PPP1R1C: variants seen among roughly 807,000 people sequenced by gnomAD.
PPP1R1C encodes protein phosphatase 1 regulatory inhibitor subunit 1C.
PPP1R1C carries 15 observed loss-of-function variants against 17.4 expected under a neutral mutation model. The observed-to-expected ratio is 0.86, with a 90% CI of 0.58 to 1.33. PPP1R1C has a LOEUF of 1.33. PPP1R1C is among the 40% of genes most tolerant of loss of function. PPP1R1C has a pLI of 0.00. For synonymous variants in PPP1R1C, 35 were observed against 43.1 expected, an observed-to-expected ratio of 0.81 and a Z score of 0.73; for missense variants, 143 against 130.0, an observed-to-expected ratio of 1.10 and a Z score of -0.48.
chr2:182,107,593 T>C (rs1042195242), intron 4 of PPP1R1C, among the ~76,000 whole-genome samples: 7 of 152,198 alleles, frequency 4.6e-5, no homozygotes, highest in Non-Finnish European at 7.3e-5. Flanking sequence ...TGGACACAGC[T>C]TTACTGATGG....
upstream of PPP1R1C, among the ~76,000 whole-genome samples, chr2:181,985,505 T>G (rs1313159181): frequency 6.6e-6 from 1 of 152,200 alleles, no homozygotes; most frequent in Non-Finnish European, 1.5e-5. This position sits in a 1 kb window ranked among gnomAD's most constrained non-coding sequence, Gnocchi z 4.1. Context: ...CTGATATTAT[T>G]GGTTGTGGCT....
intron 2 of PPP1R1C, among the ~76,000 whole-genome samples, chr2:182,016,058 T>TA (rs990816951): frequency 2.6e-5 from 4 of 152,164 alleles, no homozygotes; most frequent in Non-Finnish European, 5.9e-5. Context: ...CAGAGTGCTT[T>TA]AGCTTGTGTT....
At chr2:181,984,579 A>G (rs1191669670), upstream of PPP1R1C, among the ~76,000 whole-genome samples, 1 of 152,228 alleles carries the variant, frequency 6.6e-6, no homozygotes, top group African/African-American at 2.4e-5. Context: ...AAGTGCTTTC[A>G]CATCCACATC....
chr2:181,954,730 G>C, intron 1 of PPP1R1C: 1 of 152,256 alleles, frequency 6.6e-6, no homozygotes, highest in Non-Finnish European at 1.5e-5. Flanking sequence ...ATCAGGAGCT[G>C]GGCTCTGGCA....
At chr2:182,074,930 C>G (rs1322003650) in intron 4 of PPP1R1C, among the ~76,000 whole-genome samples, 1 of 152,132 alleles carries the variant, frequency 6.6e-6, no homozygotes, top group Non-Finnish European at 1.5e-5. Flanking sequence ...AATTAACTAC[C>G]AAATTCTAAA....
upstream of PPP1R1C, among the ~76,000 whole-genome samples, chr2:181,981,609 G>A (rs1311511833): frequency 6.6e-6 from 1 of 152,052 alleles, no homozygotes; most frequent in Non-Finnish European, 1.5e-5. Context: ...AGGTATCAAT[G>A]GTTCAGTAAT....
chr2:182,118,145 T>C (rs1209748383), downstream of PPP1R1C, among the ~76,000 whole-genome samples: 2 of 152,180 alleles, frequency 1.3e-5, no homozygotes, highest in Non-Finnish European at 2.9e-5. Context: ...TTCATTCATA[T>C]AGTCATTTAT....
At chr2:182,061,337 A>G (rs1206006062) in intron 2 of PPP1R1C, 105 bp from the exon 3 acceptor site, 1 of 817,074 alleles carries the variant, frequency 1.2e-6, no homozygotes, top group African/African-American at 1.9e-5. Context: ...TTTTTGTATA[A>G]GGCAATTATT....
intron 4 of PPP1R1C, among the ~76,000 whole-genome samples, chr2:182,074,037 T>C (rs895562013): frequency 6.8e-6 from 1 of 146,130 alleles, no homozygotes. Flanking sequence ...TAAAAATTCT[T>C]CTTCTTTTTT....
At chr2:181,973,486 T>A (rs1559042038) in intron 1 of PPP1R1C, among the ~76,000 whole-genome samples, 2 of 152,152 alleles carry the variant, frequency 1.3e-5, no homozygotes, top group South Asian at 4.1e-4. Context: ...AGAGAACATA[T>A]ACAAAGTACT....
Position 181,961,327 on chromosome 2 carries a change from T to G in PPP1R1C, n.111+6693T>G, listed in dbSNP as rs1454327919. The G allele has an allele frequency of 1.4e-6, 1 of 727,632 alleles. No individual in the cohort carries two copies. The highest frequency in any genetic ancestry group is 1.7e-5 in the African/African-American group (1 of 58,464). 45.1% of individuals were successfully genotyped at this position (727,632 alleles called of 1,614,324 possible). ...ATCACCAAGATTGAAGTCATCATCA[T>G]CAAGCAGGCGGTGGTAGGTGGCGCT... is the stretch of plus-strand genomic sequence containing the variant. On this transcript the variant is annotated intron_variant and non_coding_transcript_variant, in intron 1 of 5. Transcript: ENST00000464264. The surrounding 1 kb of genome is among the most constrained non-coding windows in gnomAD (Gnocchi z 5.8).
intron 2 of PPP1R1C, among the ~76,000 whole-genome samples, chr2:182,019,451 G>C (rs1245456154): frequency 6.6e-6 from 1 of 152,176 alleles, no homozygotes; most frequent in Admixed American, 6.5e-5. Flanking sequence ...TATTTTCTTA[G>C]TTGGTGGCCA....
chr2:182,116,182 C>T (rs555503565), intron 4 of PPP1R1C, among the ~76,000 whole-genome samples: 11 of 152,264 alleles, frequency 7.2e-5, no homozygotes, highest in African/African-American at 2.4e-4. Flanking sequence ...ACTGTTACTT[C>T]ATTAATTCAA....
intron 1 of PPP1R1C, among the ~76,000 whole-genome samples, chr2:181,970,185 A>G (rs1268873209): frequency 6.7e-6 from 1 of 148,794 alleles, no homozygotes; most frequent in Non-Finnish European, 1.5e-5. Context: ...GTCTTGATGC[A>G]TGTGGTTGTT....
At chr2:182,030,386 T>C (rs1318149644) in intron 2 of PPP1R1C, among the ~76,000 whole-genome samples, 1 of 151,634 alleles carries the variant, frequency 6.6e-6, no homozygotes, top group Admixed American at 6.6e-5. Context: ...TACAGATGGG[T>C]TTTTGGTGTG....
At chr2:182,029,259 T>C (rs1476418525) in intron 2 of PPP1R1C, among the ~76,000 whole-genome samples, 2 of 150,734 alleles carry the variant, frequency 1.3e-5, no homozygotes, top group African/African-American at 2.5e-5. Context: ...GTCATTATGA[T>C]GTTAGCTGGT....
chr2:182,084,441 G>A (rs116646454), intron 4 of PPP1R1C, among the ~76,000 whole-genome samples: 3,370 of 152,142 alleles, frequency 0.022, 120 homozygotes, highest in African/African-American at 0.077. Context: ...GTTGATTTTT[G>A]TATGTGGTGA....
intron 1 of PPP1R1C, among the ~76,000 whole-genome samples, chr2:181,956,112 C>T (rs1042655924): frequency 2.6e-5 from 4 of 152,172 alleles, no homozygotes; most frequent in Non-Finnish European, 4.4e-5. Context: ...TATGTTCTCA[C>T]TTTTCAACTC....
At chr2:181,978,316 T>C (rs1685134049) in intron 2 of PPP1R1C, among the ~76,000 whole-genome samples, 1 of 152,194 alleles carries the variant, frequency 6.6e-6, no homozygotes, top group Non-Finnish European at 1.5e-5. Context: ...ACTGAATACC[T>C]TCTGGGTTCT....
Sources: allele counts gnomAD v4.1 joint callset (sites outside exome capture counted in the v4.1 genomes callset), GRCh38; gene constraint gnomAD v4.1.1; non-coding constraint Gnocchi (gnomAD v3.1); transcripts MANE v1.5; gene names NCBI Gene and HGNC (gene_info 2026-07-23, HGNC 2026-07-21).